Variants in GPC6 observed in about 807,000 individuals in gnomAD.
The protein encoded by GPC6 is glypican 6.
In GPC6, 14 loss-of-function variants were observed where a neutral mutation model predicts 55.2. That is an observed-to-expected ratio of 0.25 (90% CI 0.17 to 0.40). The LOEUF (loss-of-function observed/expected upper bound fraction) is 0.40, where lower values mean the gene tolerates loss of function less well. Ranked by LOEUF, GPC6 falls within the 10% of genes least tolerant of loss-of-function variation. GPC6 has a pLI of 1.00. For missense variants in GPC6, 641 were observed against 708.5 expected, an observed-to-expected ratio of 0.90 and a Z score of 1.08; for synonymous variants, 278 against 259.6, an observed-to-expected ratio of 1.07 and a Z score of -0.68.
chr13:94,225,430 G>A (rs1890519069), intron 4 of GPC6, among the ~76,000 whole-genome samples: 1 of 152,082 alleles, frequency 6.6e-6, no homozygotes, highest in Non-Finnish European at 1.5e-5. Context: ...CTCTCATACG[G>A]ACTTTTTTCA....
intron 3 of GPC6, among the ~76,000 whole-genome samples, chr13:93,889,980 A>G (rs1470857818): frequency 6.6e-6 from 1 of 152,270 alleles, no homozygotes; most frequent in South Asian, 2.1e-4. Flanking sequence ...TCAAAAAAAA[A>G]TTCTACGCAG....
intron 4 of GPC6, among the ~76,000 whole-genome samples, chr13:94,153,012 G>A (rs551838049): frequency 6.6e-6 from 1 of 152,156 alleles, no homozygotes; most frequent in African/African-American, 2.4e-5. Flanking sequence ...TTAAATGATT[G>A]ATATTACAAA....
At chr13:93,389,352 T>C (rs543004246) in intron 1 of GPC6, among the ~76,000 whole-genome samples, 4 of 146,902 alleles carry the variant, frequency 2.7e-5, no homozygotes, top group Admixed American at 1.4e-4. Context: ...AAAAAAAAAA[T>C]AAATAGCCGG....
intron 6 of GPC6, among the ~76,000 whole-genome samples, chr13:94,352,635 G>A (rs1878608578): frequency 6.6e-6 from 1 of 152,124 alleles, no homozygotes; most frequent in Non-Finnish European, 1.5e-5. Flanking sequence ...CCTTAGGGTG[G>A]TAACTTTGCT....
chr13:94,036,863 C>G (rs948496950), intron 4 of GPC6, among the ~76,000 whole-genome samples: 4 of 151,962 alleles, frequency 2.6e-5, no homozygotes, highest in African/African-American at 9.7e-5. Flanking sequence ...TTCTCAAAAT[C>G]CACCACAATC....
chr13:94,366,884 T>C (rs896125789), intron 6 of GPC6, among the ~76,000 whole-genome samples: 1 of 152,140 alleles, frequency 6.6e-6, no homozygotes, highest in African/African-American at 2.4e-5. Context: ...CACTCACAAT[T>C]TGAAACCAGG....
chr13:94,355,826 T>C (rs556968493), intron 6 of GPC6, among the ~76,000 whole-genome samples: 1 of 152,306 alleles, frequency 6.6e-6, no homozygotes, highest in African/African-American at 2.4e-5. Context: ...ACATGCAGGT[T>C]TGTTACATAG....
At chr13:94,080,793 T>A (rs9524324) in intron 4 of GPC6, among the ~76,000 whole-genome samples, 28,268 of 152,100 alleles carry the variant, frequency 0.19, 2,769 homozygotes, top group South Asian at 0.25. Context: ...TTATGACCTC[T>A]TCTAACCTTA....
chr13:93,691,816 T>G (rs185433891), intron 2 of GPC6, among the ~76,000 whole-genome samples: 120 of 152,218 alleles, frequency 7.9e-4, no homozygotes, highest in Non-Finnish European at 4.4e-5. Flanking sequence ...GATATATTGT[T>G]AAATTTAACT....
chr13:93,655,711 C>T (rs1322147636), intron 2 of GPC6, among the ~76,000 whole-genome samples: 1 of 152,066 alleles, frequency 6.6e-6, no homozygotes, highest in East Asian at 1.9e-4. Flanking sequence ...CTAGTAAAGT[C>T]AATTTTTCTG....
intron 3 of GPC6, among the ~76,000 whole-genome samples, chr13:93,885,641 G>A (rs1253981876): frequency 2.6e-5 from 4 of 152,176 alleles, no homozygotes; most frequent in Non-Finnish European, 5.9e-5. Context: ...CTCTCAGTGA[G>A]TCTGTTCAAG....
intron 2 of GPC6, among the ~76,000 whole-genome samples, chr13:93,618,936 C>G (rs1594316101): frequency 6.6e-6 from 1 of 152,114 alleles, no homozygotes; most frequent in Non-Finnish European, 1.5e-5. Flanking sequence ...ATAGCCTACT[C>G]CAAACCTAGG....
upstream of GPC6, among the ~76,000 whole-genome samples, chr13:93,224,817 C>G (rs1378518358): frequency 6.6e-6 from 1 of 152,206 alleles, no homozygotes; most frequent in Non-Finnish European, 1.5e-5. Flanking sequence ...ACCAGTAAAG[C>G]AAGTTATCTA....
At chr13:93,834,729 T>C (rs1887667198) in intron 3 of GPC6, among the ~76,000 whole-genome samples, 1 of 152,196 alleles carries the variant, frequency 6.6e-6, no homozygotes, top group Non-Finnish European at 1.5e-5. Context: ...GTCCCTGAGC[T>C]ACCCTCAGTT....
chr13:93,262,469 T>C (rs1004115758), intron 1 of GPC6, among the ~76,000 whole-genome samples: 7 of 152,224 alleles, frequency 4.6e-5, no homozygotes, highest in Non-Finnish European at 4.4e-5. Flanking sequence ...TGTCTCATTT[T>C]CAAAAATTTA....
At chr13:93,710,444 G>A (rs1206182167) in intron 2 of GPC6, among the ~76,000 whole-genome samples, 1 of 151,692 alleles carries the variant, frequency 6.6e-6, no homozygotes, top group Non-Finnish European at 1.5e-5. Flanking sequence ...ATCACATCTT[G>A]TGTAGTGAAT....
intron 1 of GPC6, among the ~76,000 whole-genome samples, chr13:93,244,655 C>T (rs1876538686): frequency 6.6e-6 from 1 of 152,184 alleles, no homozygotes; most frequent in Admixed American, 6.5e-5. Flanking sequence ...AGGAGCTCCC[C>T]CATGGCCTGG....
At chr13:94,127,129 A>G (rs949171552) in intron 4 of GPC6, among the ~76,000 whole-genome samples, 1 of 152,080 alleles carries the variant, frequency 6.6e-6, no homozygotes, top group Non-Finnish European at 1.5e-5. Context: ...TCCAATATGT[A>G]TCATTCCATA....
At chr13:93,283,368 G>T (rs1018252447) in intron 1 of GPC6, among the ~76,000 whole-genome samples, 1 of 152,158 alleles carries the variant, frequency 6.6e-6, no homozygotes, top group Admixed American at 6.5e-5. Flanking sequence ...GCATAGGATG[G>T]CCTCAATTTT....
Sources: gnomAD v4.1 joint callset for allele counts (sites outside exome capture counted in the v4.1 genomes callset) on GRCh38, gnomAD v4.1.1 for gene constraint, MANE v1.5 for transcripts, NCBI Gene and HGNC (gene_info 2026-07-23, HGNC 2026-07-21) for gene names.